EYS: variants seen among roughly 807,000 people sequenced by gnomAD.
EYS encodes protein eyes shut homolog.
Under a neutral mutation model 282.1 loss-of-function variants are expected in EYS, and 250 were observed. The observed-to-expected ratio is 0.89, with a 90% CI of 0.80 to 0.98. EYS has a LOEUF of 0.98. EYS is among the 50% of genes least tolerant of loss of function. The probability of loss-of-function intolerance (pLI) is 0.00; values close to 1 mark genes in which losing one functional copy is unlikely to be tolerated. For synonymous variants in EYS, 1,355 were observed against 1,282.9 expected (o/e 1.06, Z -1.20); for missense variants, 4,016 against 3,709.0 (o/e 1.08, Z -2.15).
chr6:65,365,152 T>C (rs1764867946), intron 8 of EYS, among the ~76,000 whole-genome samples: 1 of 151,726 alleles, frequency 6.6e-6, no homozygotes, highest in Non-Finnish European at 1.5e-5. Flanking sequence ...TAAATTCCTT[T>C]CTCTGTTCTT....
intron 26 of EYS, among the ~76,000 whole-genome samples, chr6:64,565,792 CTATA>C (rs1765546970): frequency 6.6e-6 from 1 of 151,892 alleles, no homozygotes; most frequent in Admixed American, 6.6e-5. Flanking sequence ...TAAAAGGTAA[CTATA>C]TACAGTGATG....
At chr6:64,309,209 T>TA (rs985310574) in intron 29 of EYS, among the ~76,000 whole-genome samples, 2 of 151,634 alleles carry the variant, frequency 1.3e-5, no homozygotes, top group African/African-American at 2.4e-5. Flanking sequence ...TTCATAGGGA[T>TA]AAAAAAAGGG....
intron 26 of EYS, among the ~76,000 whole-genome samples, chr6:64,523,346 T>A (rs994085773): frequency 6.6e-6 from 1 of 151,818 alleles, no homozygotes; most frequent in Non-Finnish European, 1.5e-5. Context: ...TTTGTGTTTA[T>A]TTGTTTCAAT....
intron 41 of EYS, among the ~76,000 whole-genome samples, chr6:63,762,101 A>T (rs957254314): frequency 1.4e-4 from 21 of 152,130 alleles, no homozygotes; most frequent in Admixed American, 2.6e-4. Flanking sequence ...GTTTTGAGTG[A>T]GATGGAAAAT....
chr6:64,602,969 A>G (rs562055596), intron 24 of EYS, among the ~76,000 whole-genome samples: 1 of 152,114 alleles, frequency 6.6e-6, no homozygotes, highest in East Asian at 1.9e-4. Context: ...AAGTCACTAG[A>G]GGAAAAATGC....
intron 35 of EYS, among the ~76,000 whole-genome samples, chr6:63,956,770 A>T (rs1294564644): frequency 1.3e-5 from 2 of 152,164 alleles, no homozygotes; most frequent in Admixed American, 1.3e-4. Flanking sequence ...TTTCCCACAC[A>T]TACTGCCTTT....
chr6:64,296,796 G>C (rs191343730), intron 30 of EYS, among the ~76,000 whole-genome samples: 1 of 151,618 alleles, frequency 6.6e-6, no homozygotes, highest in African/African-American at 2.4e-5. Flanking sequence ...TAGTAGAGAC[G>C]GGGTTTCACC....
intron 30 of EYS, among the ~76,000 whole-genome samples, chr6:64,293,044 C>G (rs747518062): frequency 3.3e-5 from 5 of 151,952 alleles, no homozygotes; most frequent in Admixed American, 1.3e-4. Flanking sequence ...ATCAATATGT[C>G]ACTTTACTTT....
chr6:65,023,549 A>C (rs1368468952), intron 13 of EYS, among the ~76,000 whole-genome samples: 1 of 152,196 alleles, frequency 6.6e-6, no homozygotes, highest in Non-Finnish European at 1.5e-5. Context: ...AAATAAGAAA[A>C]ATGGGAGAAG....
chr6:64,029,081 A>C (rs1299919871), intron 33 of EYS, among the ~76,000 whole-genome samples: 2 of 152,186 alleles, frequency 1.3e-5, no homozygotes, highest in Admixed American at 6.5e-5. Flanking sequence ...TCAAGGAAAC[A>C]CAGAGGGCAA....
intron 15 of EYS, among the ~76,000 whole-genome samples, chr6:64,915,505 T>A (rs1335746839): frequency 6.6e-6 from 1 of 152,096 alleles, no homozygotes; most frequent in Non-Finnish European, 1.5e-5. Flanking sequence ...TCTCAGAGAA[T>A]TGTTGTAAAG....
intron 11 of EYS, chr6:65,331,755 ATG>A (rs1247952960): frequency 1.0e-6 from 1 of 979,072 alleles, no homozygotes; most frequent in Non-Finnish European, 1.2e-6. Context: ...GCACTATTCT[ATG>A]TGTCTTTTGT....
intron 28 of EYS, among the ~76,000 whole-genome samples, chr6:64,393,019 TA>T (rs750415517): frequency 2.6e-5 from 4 of 152,150 alleles, no homozygotes; most frequent in African/African-American, 7.2e-5. Context: ...AATACTAAAG[TA>T]GAAAATCTAG....
chr6:64,807,487 T>G (rs1261652364), intron 22 of EYS, among the ~76,000 whole-genome samples: 1 of 152,156 alleles, frequency 6.6e-6, no homozygotes, highest in African/African-American at 2.4e-5. Flanking sequence ...TCAGGTATTA[T>G]ATTTTCTGAA....
chr6:65,534,692 A>G (rs1262880921), intron 2 of EYS, among the ~76,000 whole-genome samples: 4 of 152,096 alleles, frequency 2.6e-5, no homozygotes, highest in Non-Finnish European at 5.9e-5. Flanking sequence ...GCTTATCTAC[A>G]GCTTCTCCAT....
At chr6:63,908,251 A>T (rs1773833168) in intron 35 of EYS, among the ~76,000 whole-genome samples, 1 of 151,368 alleles carries the variant, frequency 6.6e-6, no homozygotes, top group Non-Finnish European at 1.5e-5. Context: ...TGCAAATTAA[A>T]ACCACACGAG....
intron 1 of EYS, among the ~76,000 whole-genome samples, chr6:65,678,371 T>C (rs538171691): frequency 1.4e-4 from 22 of 152,122 alleles, no homozygotes; most frequent in Admixed American, 2.6e-4. Flanking sequence ...TTGGGAAAAA[T>C]TGAATTTTTT....
chr6:65,064,229 G>GAT (rs916253238), intron 12 of EYS, among the ~76,000 whole-genome samples: 8 of 136,724 alleles, frequency 5.9e-5, no homozygotes, highest in Admixed American at 2.3e-4. Context: ...ATATATGTAT[G>GAT]ATATATATAT....
In EYS at chr6:64,644,071, T is replaced by C. The variant is rs190274790; in HGVS notation, c.3444-17826A>G. Among the ~76,000 whole-genome samples, 214 of 152,348 alleles carry C rather than the reference T, an allele frequency of 1.4e-3. 1 individual carries two copies. Among genetic ancestry groups the C allele is most frequent in the African/African-American group, 5.0e-3 (208 of 41,582 alleles). On this transcript the variant is annotated intron_variant, in intron 22 of 42. Transcript: ENST00000503581. ...GTGGTATCAATTAAGTTTTCTTATATGACCTGATTTTTCTTTTGAATTGTA... is the reference window on the plus strand; with the variant it reads ...GTGGTATCAATTAAGTTTTCTTATACGACCTGATTTTTCTTTTGAATTGTA...
Sources: allele counts gnomAD v4.1 joint callset (sites outside exome capture counted in the v4.1 genomes callset), GRCh38; gene constraint gnomAD v4.1.1; transcripts MANE v1.5; gene names NCBI Gene and HGNC (gene_info 2026-07-23, HGNC 2026-07-21).